The following SDK1 variants were observed in gnomAD, a reference collection of about 807,000 sequenced individuals.
SDK1 encodes protein sidekick-1.
SDK1 carries 157 observed loss-of-function variants against 245.5 expected under a neutral mutation model. That is an observed-to-expected ratio of 0.64 (90% CI 0.56 to 0.73). The LOEUF (loss-of-function observed/expected upper bound fraction) is 0.73, where lower values mean the gene tolerates loss of function less well. Ranked by LOEUF, SDK1 falls within the 30% of genes least tolerant of loss-of-function variation. The probability of loss-of-function intolerance (pLI) is 0.00; values close to 1 mark genes in which losing one functional copy is unlikely to be tolerated. For synonymous variants in SDK1, 1,647 were observed against 1,278.5 expected (o/e 1.29, Z -6.15); for missense variants, 3,583 against 3,002.3 (o/e 1.19, Z -4.52).
At chr7:4,093,975 T>C (rs1781976997) in intron 22 of SDK1, among the ~76,000 whole-genome samples, 1 of 152,188 alleles carries the variant, frequency 6.6e-6, no homozygotes, top group African/African-American at 2.4e-5. Flanking sequence ...TGAGTGTATC[T>C]GCTTTCCCTA....
intron 35 of SDK1, among the ~76,000 whole-genome samples, chr7:4,183,941 A>C (rs1386805398): frequency 5.3e-5 from 8 of 152,172 alleles, no homozygotes; most frequent in Admixed American, 5.2e-4. Flanking sequence ...TGGCAGTGCC[A>C]ACCCTGCAAG....
intron 4 of SDK1, among the ~76,000 whole-genome samples, chr7:3,723,887 T>TATACACGTACATATACAC (rs1778915957): frequency 7.6e-6 from 1 of 132,420 alleles, no homozygotes. Flanking sequence ...TACATATATA[T>TATACACGTACATATACAC]ATACACGTGT....
intron 14 of SDK1, among the ~76,000 whole-genome samples, chr7:3,987,809 T>G (rs978875604): frequency 6.6e-6 from 1 of 152,130 alleles, no homozygotes; most frequent in Non-Finnish European, 1.5e-5. Context: ...ACATGAAACA[T>G]GCTCCTTCCG....
At chr7:3,769,757 A>G (rs1780353388) in intron 4 of SDK1, among the ~76,000 whole-genome samples, 1 of 151,962 alleles carries the variant, frequency 6.6e-6, no homozygotes, top group Non-Finnish European at 1.5e-5. Context: ...GTTAGGAGTT[A>G]CCAGGCCTGG....
intron 1 of SDK1, among the ~76,000 whole-genome samples, chr7:3,328,130 G>T (rs1207466187): frequency 1.3e-5 from 2 of 152,070 alleles, no homozygotes; most frequent in Non-Finnish European, 1.5e-5. Flanking sequence ...AAGATAATTG[G>T]GAAGAATAAT....
intron 17 of SDK1, among the ~76,000 whole-genome samples, chr7:4,023,320 G>T (rs1026923989): frequency 6.6e-6 from 1 of 151,982 alleles, no homozygotes; most frequent in Non-Finnish European, 1.5e-5. Context: ...TCAGCTCAAG[G>T]CATTTTAAAA....
chr7:3,443,894 A>C (rs543871971), intron 1 of SDK1, among the ~76,000 whole-genome samples: 2 of 152,258 alleles, frequency 1.3e-5, no homozygotes, highest in African/African-American at 4.8e-5. Context: ...ACAGCAGAAC[A>C]TGATGTCAAT....
chr7:3,813,866 T>C (rs1309266360), intron 4 of SDK1, among the ~76,000 whole-genome samples: 28 of 126,998 alleles, frequency 2.2e-4, no homozygotes, highest in African/African-American at 8.6e-4. Flanking sequence ...TGGCCAGTGA[T>C]GATGAGCATT....
At chr7:3,649,145 C>T in intron 4 of SDK1, among the ~76,000 whole-genome samples, 1 of 152,096 alleles carries the variant, frequency 6.6e-6, no homozygotes, top group Non-Finnish European at 1.5e-5. Context: ...GCAGGTAATA[C>T]ACAGGACACT....
intron 1 of SDK1, among the ~76,000 whole-genome samples, chr7:3,389,193 C>G (rs769698550): frequency 6.6e-6 from 1 of 152,072 alleles, no homozygotes; most frequent in East Asian, 1.9e-4. Context: ...CAATGATGTC[C>G]AGGTTCTAAT....
intron 1 of SDK1, among the ~76,000 whole-genome samples, chr7:3,527,212 A>ATTG (rs1783167523): frequency 6.6e-6 from 1 of 152,226 alleles, no homozygotes; most frequent in Admixed American, 6.5e-5. Context: ...CGTCTGAGGC[A>ATTG]TTGTTGTAAG....
intron 1 of SDK1, among the ~76,000 whole-genome samples, chr7:3,552,311 G>T (rs146768528): frequency 0.027 from 4,175 of 152,262 alleles, 78 homozygotes; most frequent in Middle Eastern, 0.041. Flanking sequence ...AAAGTGTGGG[G>T]ATTACAGGTG....
Position 3,925,497 on chromosome 7 carries a change from A to G in SDK1, c.848-25426A>G, listed in dbSNP as rs533382239. Among the ~76,000 whole-genome samples, 13 of 152,322 alleles carry G rather than the reference A, an allele frequency of 8.5e-5. No individual in the cohort carries two copies. The South Asian group carries it at 1.7e-3, about 19-fold the overall frequency. ...TGCCTCTATGAATCTCTCGTCGCCAAACTAAGCAGTTTTAATCCAGATACA... is the reference window on the plus strand; with the variant it reads ...TGCCTCTATGAATCTCTCGTCGCCAGACTAAGCAGTTTTAATCCAGATACA... On this transcript the variant is annotated intron_variant, in intron 5 of 44. Transcript: ENST00000404826.
At chr7:3,608,260 AC>A (rs1781484333) in intron 1 of SDK1, among the ~76,000 whole-genome samples, 1 of 152,104 alleles carries the variant, frequency 6.6e-6, no homozygotes, top group Non-Finnish European at 1.5e-5. Flanking sequence ...TTACATATAA[AC>A]TCTTCTGCTG....
chr7:3,952,197 ATAT>A, intron 7 of SDK1: 1 of 450,618 alleles, frequency 2.2e-6, no homozygotes, highest in Non-Finnish European at 3.9e-6. Flanking sequence ...AACCCCTGTC[ATAT>A]AGATCCCTCT....
chr7:3,695,784 G>A (rs181848897), intron 4 of SDK1, among the ~76,000 whole-genome samples: 1 of 152,276 alleles, frequency 6.6e-6, no homozygotes, highest in East Asian at 1.9e-4. Context: ...GAAGGCAACC[G>A]CTAGACGTAG....
At chr7:3,551,825 G>A (rs1583157003) in intron 1 of SDK1, among the ~76,000 whole-genome samples, 3 of 152,134 alleles carry the variant, frequency 2.0e-5, no homozygotes, top group East Asian at 3.9e-4. Context: ...ACAGGCATGA[G>A]CCACTGCACC....
intron 16 of SDK1, among the ~76,000 whole-genome samples, chr7:4,015,507 A>AT (rs1168659143): frequency 1.3e-5 from 2 of 152,174 alleles, no homozygotes; most frequent in African/African-American, 2.4e-5. Flanking sequence ...GTAAGTGGAA[A>AT]TACCTGTCAC....
intron 4 of SDK1, among the ~76,000 whole-genome samples, chr7:3,704,794 G>A (rs1784837710): frequency 6.6e-6 from 1 of 152,028 alleles, no homozygotes; most frequent in South Asian, 2.1e-4. Context: ...TTTATCCTAG[G>A]ATATCTAATA....
Sources: gnomAD v4.1 joint callset for allele counts (sites outside exome capture counted in the v4.1 genomes callset) on GRCh38, gnomAD v4.1.1 for gene constraint, MANE v1.5 for transcripts, NCBI Gene and HGNC (gene_info 2026-07-23, HGNC 2026-07-21) for gene names.